ODAD2: variants seen among roughly 807,000 people sequenced by gnomAD.
ODAD2 encodes outer dynein arm-docking complex subunit 2.
Under a neutral mutation model 106.8 loss-of-function variants are expected in ODAD2, and 89 were observed. That is an observed-to-expected ratio of 0.83 (90% CI 0.70 to 0.99). The LOEUF (loss-of-function observed/expected upper bound fraction) is 0.99. Ranked by LOEUF, ODAD2 falls within the 50% of genes least tolerant of loss-of-function variation. ODAD2 has a pLI of 0.00. For synonymous variants in ODAD2, 404 were observed against 436.2 expected, an observed-to-expected ratio of 0.93 and a Z score of 0.92; for missense variants, 1,168 against 1,238.5, an observed-to-expected ratio of 0.94 and a Z score of 0.85.
chr10:27,907,689 G>A lies in ODAD2; in HGVS notation c.2584C>T (p.Leu862Phe). 6.2e-7 allele frequency: 1 copy of A among 1,613,374 alleles called. No individual in the cohort carries two copies. Among genetic ancestry groups the A allele is most frequent in the Non-Finnish European group, 8.5e-7 (1 of 1,179,438 alleles). Residue 862 changes from leucine to phenylalanine, a missense_variant, in exon 17 of 20, where the codon CTC becomes TTC. This residue lies in a region of ODAD2 where 701 missense variants were observed against 712.3 expected (regional missense o/e 0.98). Coordinates refer to ENST00000305242, the MANE Select transcript of ODAD2 (RefSeq NM_018076.5). Reference sequence around the variant, plus strand: ...TTTGCATTTTTGATGCATGGACAGAGTGCCCATGCTGCGCTGGCCTTCACG... The same window carrying A: ...TTTGCATTTTTGATGCATGGACAGAATGCCCATGCTGCGCTGGCCTTCACG... The part of the protein sequence containing the change: ...PDVKASAAWA[L>F]CPCIKNAKDA...
intron 19 of ODAD2, among the ~76,000 whole-genome samples, chr10:27,858,996 T>C (rs1021306364): frequency 4.6e-5 from 7 of 151,960 alleles, no homozygotes; most frequent in African/African-American, 1.7e-4. Context: ...TAACTGACAA[T>C]TGTCTAAGCA....
At chr10:27,915,910 G>A (rs1844336107) in intron 16 of ODAD2, among the ~76,000 whole-genome samples, 1 of 152,016 alleles carries the variant, frequency 6.6e-6, no homozygotes, top group Non-Finnish European at 1.5e-5. Context: ...TCATATATAT[G>A]GCCTCAATTA....
chr10:27,821,995 C>G (rs1035130201), intron 19 of ODAD2, among the ~76,000 whole-genome samples: 1 of 152,198 alleles, frequency 6.6e-6, no homozygotes, highest in Admixed American at 6.5e-5. Flanking sequence ...CACTTTAAAA[C>G]ATCATTCAAA....
In ODAD2 at chr10:27,860,822, G is replaced by A. The variant is rs1839991597; in HGVS notation, c.2824C>T (p.Leu942=). 1.2e-6 allele frequency: 2 copies of A among 1,614,010 alleles called. No individual in the cohort carries two copies. The highest frequency in any genetic ancestry group is 1.7e-6 in the Non-Finnish European group (2 of 1,179,984). The change falls in exon 19 of 20, where the codon CTA becomes TTA. Residue 942 remains leucine (L), a synonymous_variant. Transcript: ENST00000305242. ...CAGCAACGTGAAATAGCTTCTGCTA[G>A]ATGATGTCTCAATTTATTGTTATTC... ...NTNNNKLRHH[L]AEAISRCCMW...
chr10:27,817,656 A>G (rs1836245838), intron 19 of ODAD2, among the ~76,000 whole-genome samples: 1 of 152,148 alleles, frequency 6.6e-6, no homozygotes, highest in Non-Finnish European at 1.5e-5. Flanking sequence ...GTTGCTGCAA[A>G]AGACATGATT....
intron 3 of ODAD2, among the ~76,000 whole-genome samples, chr10:27,986,957 C>A (rs1227566179): frequency 6.6e-6 from 1 of 152,210 alleles, no homozygotes. Context: ...AGCCTACATT[C>A]ATTTTAAAGG....
At chr10:27,902,072 C>A (rs1325127528) in intron 17 of ODAD2, among the ~76,000 whole-genome samples, 1 of 152,130 alleles carries the variant, frequency 6.6e-6, no homozygotes, top group East Asian at 1.9e-4. Context: ...CACTCCCTAG[C>A]AAATGCAAAA....
chr10:27,944,703 T>G, intron 11 of ODAD2, 113 bp downstream of exon 11: 1 of 1,286,340 alleles, frequency 7.8e-7, no homozygotes, highest in Non-Finnish European at 1.1e-6. Flanking sequence ...TCAGCAATAA[T>G]AGCAGATAAA....
chr10:27,938,909 CT>C (rs1292110959), intron 14 of ODAD2, among the ~76,000 whole-genome samples: 1 of 152,076 alleles, frequency 6.6e-6, no homozygotes, highest in Non-Finnish European at 1.5e-5. Context: ...CCCCTTGTAT[CT>C]TTTTGGCATA....
At chr10:27,914,691 T>A (rs1844240534) in intron 16 of ODAD2, among the ~76,000 whole-genome samples, 1 of 147,188 alleles carries the variant, frequency 6.8e-6, no homozygotes, top group Admixed American at 6.7e-5. Flanking sequence ...TGTGTGTGTA[T>A]ATATATATGT....
chr10:27,923,982 GAAAGAAAGAAAGAAAGAAAGAAAGAA>G (rs1844990828), intron 16 of ODAD2, among the ~76,000 whole-genome samples: 1 of 127,546 alleles, frequency 7.8e-6, no homozygotes, highest in Non-Finnish European at 1.6e-5. Flanking sequence ...AAGAAAGAAA[GAAAGAAAGAAAGAAAGAAAGAAAGAA>G]AGAAAGAAAG....
chr10:27,850,795 A>T (rs1330703876), intron 19 of ODAD2, among the ~76,000 whole-genome samples: 1 of 152,226 alleles, frequency 6.6e-6, no homozygotes, highest in Admixed American at 6.5e-5. Context: ...AAAGACAGTG[A>T]TTCTTGAGAG....
intron 17 of ODAD2, among the ~76,000 whole-genome samples, chr10:27,876,814 T>G (rs996285325): frequency 5.9e-5 from 9 of 152,234 alleles, no homozygotes. Flanking sequence ...TATCTCTATA[T>G]GCATGTTCCC....
At chr10:27,974,691 T>TA (rs1177037831) in intron 7 of ODAD2, among the ~76,000 whole-genome samples, 1 of 149,584 alleles carries the variant, frequency 6.7e-6, no homozygotes, top group East Asian at 1.9e-4. Context: ...CTGTTTTTGT[T>TA]TTTTTTTTTT....
At position 27,995,190 on chromosome 10, in the gene ODAD2, A is replaced by G. The variant is rs753492082; in HGVS notation, c.-38-10T>C. 1 of 1,595,174 alleles carries G rather than the reference A, an allele frequency of 6.3e-7. No individual in the cohort carries two copies. Among genetic ancestry groups the G allele is most frequent in the South Asian group, 1.1e-5 (1 of 88,854 alleles). On this transcript the variant is annotated splice_polypyrimidine_tract_variant and intron_variant, in intron 1 of 19. Transcript: ENST00000305242. ...GAGCTTAGCACACGCACTACATCAGAGCAGAAAGAGAAAGAGACAACAGCG... is the reference window on the plus strand; with the variant it reads ...GAGCTTAGCACACGCACTACATCAGGGCAGAAAGAGAAAGAGACAACAGCG...
intron 12 of ODAD2, among the ~76,000 whole-genome samples, chr10:27,943,429 G>A (rs1400453676): frequency 4.6e-5 from 7 of 151,960 alleles, no homozygotes; most frequent in African/African-American, 1.4e-4. Flanking sequence ...ATAGATAACA[G>A]TTTTTAATCC....
At chr10:27,895,662 A>T (rs1243125854) in intron 17 of ODAD2, among the ~76,000 whole-genome samples, 1 of 152,248 alleles carries the variant, frequency 6.6e-6, no homozygotes, top group Non-Finnish European at 1.5e-5. Flanking sequence ...CAAGCACTGA[A>T]TAGCCACATG....
At chr10:27,990,255 C>G (rs1277862744) in intron 2 of ODAD2, among the ~76,000 whole-genome samples, 3 of 152,086 alleles carry the variant, frequency 2.0e-5, no homozygotes, top group Non-Finnish European at 4.4e-5. Context: ...TCAAGGGATT[C>G]TTCTCCCTCA....
At chr10:27,931,358 T>C (rs947932150) in intron 16 of ODAD2, among the ~76,000 whole-genome samples, 1 of 152,094 alleles carries the variant, frequency 6.6e-6, no homozygotes, top group Non-Finnish European at 1.5e-5. Context: ...TTTTTGTAGG[T>C]TTCATGCCAT....
Sources: gnomAD v4.1 joint callset for allele counts (sites outside exome capture counted in the v4.1 genomes callset) on GRCh38, gnomAD v4.1.1 for gene constraint, gnomAD v4.1.1 regional missense constraint, MANE v1.5 for transcripts, NCBI Gene and HGNC (gene_info 2026-07-23, HGNC 2026-07-21) for gene names.